RABGAP1L: variants seen among roughly 807,000 people sequenced by gnomAD.
RABGAP1L encodes the protein RAB GTPase activating protein 1 like.
Under a neutral mutation model 137.7 loss-of-function variants are expected in RABGAP1L, and 63 were observed. That is an observed-to-expected ratio of 0.46 (90% CI 0.37 to 0.56). RABGAP1L has a LOEUF of 0.56. RABGAP1L is among the 20% of genes least tolerant of loss of function. RABGAP1L has a pLI of 0.00. For missense variants in RABGAP1L, 1,095 were observed against 1,244.0 expected (o/e 0.88, Z 1.80); for synonymous variants, 431 against 433.7 (o/e 0.99, Z 0.08).
intron 19 of RABGAP1L, chr1:174,935,251 T>A (rs1185929165): frequency 1.3e-5 from 2 of 152,222 alleles, no homozygotes; most frequent in Non-Finnish European, 2.9e-5. Context: ...CAAGGAGACT[T>A]TTATTGTCTT....
At chr1:174,465,291 C>T (rs573818396) in intron 13 of RABGAP1L, among the ~76,000 whole-genome samples, 1 of 152,278 alleles carries the variant, frequency 6.6e-6, no homozygotes, top group Non-Finnish European at 1.5e-5. Flanking sequence ...CCTCCGCCTC[C>T]CGGGTTTGAG....
chr1:174,491,326 T>A (rs540128605), intron 13 of RABGAP1L, among the ~76,000 whole-genome samples: 1 of 152,096 alleles, frequency 6.6e-6, no homozygotes, highest in South Asian at 2.1e-4. Flanking sequence ...TTCAAGTCAA[T>A]GCGTTCCCTT....
At chr1:174,335,549 G>A (rs1681403156) in intron 11 of RABGAP1L, among the ~76,000 whole-genome samples, 1 of 152,110 alleles carries the variant, frequency 6.6e-6, no homozygotes. Flanking sequence ...TGTTTTATGA[G>A]GATTATTTTA....
At chr1:174,196,382 C>A (rs1182301557) in intron 1 of RABGAP1L, among the ~76,000 whole-genome samples, 2 of 151,846 alleles carry the variant, frequency 1.3e-5, no homozygotes, top group Non-Finnish European at 2.9e-5. Context: ...CGCCACCACG[C>A]CTGGCTAATT....
At position 174,833,459 on chromosome 1, in the gene RABGAP1L, TATATATA is replaced by T. The variant is rs1209111938; in HGVS notation, c.2340+21500_2340+21506del. On this transcript the variant is annotated intron_variant, in intron 19 of 25. Transcript: ENST00000681986. Reference sequence around the variant, plus strand: ...GTGTGTGTGTGTAGAGATATATATATATATATATAGTAGAGACAGGGTTCTGTCATGT... The same window carrying T: ...GTGTGTGTGTGTAGAGATATATATATTAGTAGAGACAGGGTTCTGTCATGT... 1.8e-4 allele frequency among the ~76,000 whole-genome samples: 8 copies of T among 44,356 alleles called. 1 individual carries two copies. In the Admixed American group the frequency reaches 2.8e-3, roughly 15 times the overall value. 29.1% of individuals were successfully genotyped at this position (44,356 alleles called of 152,430 possible). A position where few individuals can be genotyped will look rare whatever the true frequency, so the allele number is the denominator to read the frequency against.
At chr1:174,283,941 CTTTAA>C (rs759234155) in intron 10 of RABGAP1L, among the ~76,000 whole-genome samples, 2 of 152,142 alleles carry the variant, frequency 1.3e-5, no homozygotes, top group Admixed American at 6.5e-5. Flanking sequence ...TTTACACATA[CTTTAA>C]TTTATCTCTA....
At chr1:174,388,442 G>A (rs887210018) in intron 12 of RABGAP1L, among the ~76,000 whole-genome samples, 1 of 151,872 alleles carries the variant, frequency 6.6e-6, no homozygotes, top group Non-Finnish European at 1.5e-5. Context: ...AGATACAGGT[G>A]TATTGAAATA....
chr1:174,304,419 A>G (rs1483529768), intron 10 of RABGAP1L, among the ~76,000 whole-genome samples: 1 of 151,830 alleles, frequency 6.6e-6, no homozygotes, highest in Non-Finnish European at 1.5e-5. Flanking sequence ...TTGCTAATAT[A>G]TATAATTTAT....
chr1:174,521,346 A>G (rs371489672), intron 13 of RABGAP1L, among the ~76,000 whole-genome samples: 1 of 152,304 alleles, frequency 6.6e-6, no homozygotes, highest in East Asian at 1.9e-4. Flanking sequence ...GTTGATTGGA[A>G]ATTTTCATTT....
chr1:174,325,192 A>C (rs1175695919), intron 11 of RABGAP1L, among the ~76,000 whole-genome samples: 2 of 152,198 alleles, frequency 1.3e-5, no homozygotes, highest in Admixed American at 6.5e-5. Context: ...AGCAAATGCT[A>C]TTTACTCTGC....
intron 11 of RABGAP1L, among the ~76,000 whole-genome samples, chr1:174,311,953 G>A (rs1368182750): frequency 3.9e-5 from 6 of 152,134 alleles, no homozygotes; most frequent in African/African-American, 7.2e-5. Context: ...ATAGTCCTCC[G>A]TTGCATGTAA....
At chr1:174,811,715 A>G (rs1689887231) in intron 18 of RABGAP1L, 117 bp from the exon 19 acceptor site, 7 of 1,035,134 alleles carry the variant, frequency 6.8e-6, no homozygotes, top group Non-Finnish European at 9.1e-6. Flanking sequence ...AATGTTTGGA[A>G]CTAACTTAGA....
intron 18 of RABGAP1L, among the ~76,000 whole-genome samples, chr1:174,793,000 C>T (rs995667171): frequency 1.3e-5 from 2 of 151,912 alleles, no homozygotes; most frequent in Admixed American, 6.6e-5. Flanking sequence ...GGTGTGGTGG[C>T]GAGCACCTGT....
intron 13 of RABGAP1L, among the ~76,000 whole-genome samples, chr1:174,568,687 CTGAG>C (rs1205874516): frequency 1.3e-5 from 2 of 151,942 alleles, no homozygotes; most frequent in East Asian, 1.9e-4. Context: ...GAGAGAAAGA[CTGAG>C]TGTGTGTGTG....
chr1:174,513,169 G>A (rs545950384), intron 13 of RABGAP1L, among the ~76,000 whole-genome samples: 15 of 152,072 alleles, frequency 9.9e-5, no homozygotes, highest in African/African-American at 2.9e-4. Context: ...AAGTACTTTC[G>A]TTTATATTTT....
chr1:174,480,665 A>T (rs1273439773), intron 13 of RABGAP1L, among the ~76,000 whole-genome samples: 1 of 152,238 alleles, frequency 6.6e-6, no homozygotes, highest in East Asian at 1.9e-4. Context: ...AGATTTGAAG[A>T]TCATCATGAC....
intron 14 of RABGAP1L, among the ~76,000 whole-genome samples, chr1:174,651,721 A>G (rs1451766767): frequency 1.3e-5 from 2 of 152,114 alleles, no homozygotes; most frequent in South Asian, 2.1e-4. Context: ...TTTTGAGCCT[A>G]TGTGTGTCTC....
chr1:174,440,691 G>C (rs914607578), intron 13 of RABGAP1L, among the ~76,000 whole-genome samples: 2 of 152,094 alleles, frequency 1.3e-5, no homozygotes, highest in African/African-American at 4.8e-5. Context: ...GAGTAGCTGG[G>C]ATTACAGGCG....
chr1:174,394,062 T>C lies in RABGAP1L; in HGVS notation c.1627T>C (p.Leu543=), dbSNP rs374115211. The C allele has an allele frequency of 6.2e-7, 1 of 1,613,868 alleles. No homozygotes were observed. The highest frequency in any genetic ancestry group is 1.1e-5 in the South Asian group (1 of 91,074). Residue 543 remains leucine (L), a synonymous_variant, in exon 13 of 26, where the codon TTG becomes CTG. Transcript: ENST00000681986. ...GGTGAAGAGTGGTGTCCCTGAAGCA[T>C]TGAGGGCAGAGGTATGGCAGTTATT... ...TLVKSGVPEA[L]RAEVWQLLAG... is the part of the protein sequence containing the mutation.
Sources: allele counts gnomAD v4.1 joint callset (sites outside exome capture counted in the v4.1 genomes callset), GRCh38; gene constraint gnomAD v4.1.1; transcripts MANE v1.5; gene names NCBI Gene and HGNC (gene_info 2026-07-23, HGNC 2026-07-21).